Variants in GMDS observed in about 807,000 individuals in gnomAD.
The protein encoded by GMDS is GDP-mannose 4,6 dehydratase.
GMDS carries 20 observed loss-of-function variants against 49.9 expected under a neutral mutation model. The ratio of observed to expected loss-of-function variants is 0.40; its 90% CI spans 0.28 to 0.58. GMDS has a LOEUF of 0.58. Among genes scored for constraint, GMDS ranks in the 20% least tolerant of loss-of-function variants. The pLI, the probability that GMDS is intolerant of heterozygous loss-of-function variation, is 0.42. For missense variants in GMDS, 362 were observed against 481.4 expected (o/e 0.75, Z 2.32); for synonymous variants, 177 against 178.6 (o/e 0.99, Z 0.07).
chr6:1,777,234 C>T (rs919187921), intron 7 of GMDS, among the ~76,000 whole-genome samples: 1 of 152,272 alleles, frequency 6.6e-6, no homozygotes, highest in South Asian at 2.1e-4. Flanking sequence ...AGACGCGCTG[C>T]TGCGCCTACA....
intron 9 of GMDS, among the ~76,000 whole-genome samples, chr6:1,656,656 C>T (rs914566117): frequency 4.6e-5 from 7 of 151,646 alleles, no homozygotes; most frequent in African/African-American, 1.7e-4. Context: ...CCCAAGTGCT[C>T]AGGAGGCTGA....
At chr6:2,053,093 G>A (rs1165985576) in intron 4 of GMDS, among the ~76,000 whole-genome samples, 2 of 151,916 alleles carry the variant, frequency 1.3e-5, no homozygotes, top group Non-Finnish European at 2.9e-5. Context: ...TTCCCAAATT[G>A]TATAATCTAC....
Position 2,237,518 on chromosome 6 carries a change from C to CTTT in GMDS, c.102+7800_102+7802dup, listed in dbSNP as rs397885506. Among the ~76,000 whole-genome samples, 17 of 125,838 alleles carry CTTT rather than the reference C, an allele frequency of 1.4e-4. 1 individual carries two copies. The highest frequency in any genetic ancestry group is 2.3e-4 in the East Asian group (1 of 4,400). The allele number at this position is 125,838 out of a possible 152,430, so 82.6% of individuals were successfully genotyped here. A position where few individuals can be genotyped will look rare whatever the true frequency, so the allele number is the denominator to read the frequency against. On this transcript the variant is annotated intron_variant, in intron 1 of 10. Coordinates refer to ENST00000380815, the MANE Select transcript of GMDS (RefSeq NM_001500.4). Reference sequence around the variant, plus strand: ...TTGTAAATTGGAAGTTTGGAAGTACCTTTTTTTTTTTTTTTTTTTTTGAGA... The same window carrying CTTT: ...TTGTAAATTGGAAGTTTGGAAGTACCTTTTTTTTTTTTTTTTTTTTTTTTGAGA...
chr6:1,855,810 C>G (rs1561848050), intron 7 of GMDS, among the ~76,000 whole-genome samples: 1 of 152,156 alleles, frequency 6.6e-6, no homozygotes, highest in Non-Finnish European at 1.5e-5. Flanking sequence ...TTTTAATTTA[C>G]TTTTTCAACA....
intron 9 of GMDS, among the ~76,000 whole-genome samples, chr6:1,690,030 G>A (rs1040007975): frequency 6.6e-6 from 1 of 152,134 alleles, no homozygotes; most frequent in East Asian, 1.9e-4. Context: ...TCTTGAACCC[G>A]GGAGGCAGAG....
intron 1 of GMDS, among the ~76,000 whole-genome samples, chr6:2,168,727 C>T (rs1267032417): frequency 6.6e-6 from 1 of 152,068 alleles, no homozygotes; most frequent in Non-Finnish European, 1.5e-5. Flanking sequence ...TAAAATGGGG[C>T]AAAGTAGATG....
chr6:1,667,088 T>C (rs543131524), intron 9 of GMDS, among the ~76,000 whole-genome samples: 2 of 152,308 alleles, frequency 1.3e-5, no homozygotes, highest in East Asian at 1.9e-4. Context: ...CCCATGCCTC[T>C]ACCATTGACT....
chr6:1,722,676 T>C (rs563567577), intron 9 of GMDS, among the ~76,000 whole-genome samples: 1 of 152,354 alleles, frequency 6.6e-6, no homozygotes, highest in African/African-American at 2.4e-5. Flanking sequence ...GTTAAGGAAC[T>C]TGCCTATGGT....
At chr6:1,689,167 G>A (rs1424333156) in intron 9 of GMDS, among the ~76,000 whole-genome samples, 2 of 152,312 alleles carry the variant, frequency 1.3e-5, no homozygotes, top group African/African-American at 2.4e-5. Context: ...CCATGGTAGA[G>A]TTGCAGGAGG....
At chr6:1,703,316 A>G (rs1765610064) in intron 9 of GMDS, among the ~76,000 whole-genome samples, 1 of 151,998 alleles carries the variant, frequency 6.6e-6, no homozygotes, top group African/African-American at 2.4e-5. Context: ...TTTAACTGAT[A>G]GTTTGTAAAT....
intron 9 of GMDS, among the ~76,000 whole-genome samples, chr6:1,718,404 T>C (rs998066954): frequency 1.2e-4 from 18 of 152,154 alleles, no homozygotes; most frequent in African/African-American, 4.1e-4. Context: ...CCCACTACCC[T>C]ACATGGTTCA....
intron 9 of GMDS, among the ~76,000 whole-genome samples, chr6:1,665,988 A>G (rs1764223431): frequency 6.6e-6 from 1 of 152,156 alleles, no homozygotes. Flanking sequence ...AATTTCAGCG[A>G]CTTGGAGGAG....
At chr6:1,773,080 A>G (rs1768646031) in intron 7 of GMDS, among the ~76,000 whole-genome samples, 1 of 151,776 alleles carries the variant, frequency 6.6e-6, no homozygotes, top group Non-Finnish European at 1.5e-5. Flanking sequence ...AGGAGGGTTT[A>G]GACTAACTCA....
At chr6:1,927,421 T>A (rs1044336607) in intron 7 of GMDS, among the ~76,000 whole-genome samples, 1 of 152,256 alleles carries the variant, frequency 6.6e-6, no homozygotes, top group African/African-American at 2.4e-5. Context: ...TGCTGTGTTT[T>A]TACTCAGAGG....
At chr6:1,777,523 G>A (rs1405785148) in intron 7 of GMDS, among the ~76,000 whole-genome samples, 1 of 152,196 alleles carries the variant, frequency 6.6e-6, no homozygotes, top group Admixed American at 6.5e-5. Flanking sequence ...TCCATCTGGA[G>A]ACTCCATTTC....
chr6:1,773,263 T>C (rs1768657778), intron 7 of GMDS, among the ~76,000 whole-genome samples: 2 of 152,104 alleles, frequency 1.3e-5, no homozygotes, highest in South Asian at 2.1e-4. Flanking sequence ...ATTTGGGTTC[T>C]CCAAGGTCTT....
intron 7 of GMDS, among the ~76,000 whole-genome samples, chr6:1,805,640 A>G (rs1413995298): frequency 6.6e-6 from 1 of 152,228 alleles, no homozygotes; most frequent in Non-Finnish European, 1.5e-5. Context: ...GACATTAATG[A>G]GATTTTTTTA....
intron 9 of GMDS, among the ~76,000 whole-genome samples, chr6:1,710,959 C>T (rs1417789219): frequency 1.3e-5 from 2 of 152,190 alleles, no homozygotes; most frequent in Admixed American, 1.3e-4. Context: ...AAAATACGTA[C>T]ACCTATGAAA....
At chr6:1,726,654 C>G in intron 8 of GMDS, 142 bp from the exon 9 acceptor site, 1 of 612,708 alleles carries the variant, frequency 1.6e-6, no homozygotes. Context: ...GATGCTCCAG[C>G]TGATTATTAA....
Sources: allele counts gnomAD v4.1 joint callset (sites outside exome capture counted in the v4.1 genomes callset), GRCh38; gene constraint gnomAD v4.1.1; transcripts MANE v1.5; gene names NCBI Gene and HGNC (gene_info 2026-07-23, HGNC 2026-07-21).